Variants in OCA2 observed in about 807,000 individuals in gnomAD.
OCA2 encodes P protein.
In OCA2, 77 loss-of-function variants were observed where a neutral mutation model predicts 100.2. The ratio of observed to expected loss-of-function variants is 0.77; its 90% CI spans 0.64 to 0.93. OCA2 has a LOEUF of 0.93. Among genes scored for constraint, OCA2 ranks in the 40% least tolerant of loss-of-function variants. The pLI is 0.00. For missense variants in OCA2, 1,062 were observed against 1,089.1 expected (o/e 0.98, Z 0.35); for synonymous variants, 432 against 439.2 (o/e 0.98, Z 0.21).
At chr15:28,009,539 G>A (rs1199241666) in intron 9 of OCA2, among the ~76,000 whole-genome samples, 1 of 152,028 alleles carries the variant, frequency 6.6e-6, no homozygotes, top group Non-Finnish European at 1.5e-5. Context: ...AACACAAAAA[G>A]TAGCCAGGCA....
rs1031292388 is a variant in OCA2, at chr15:27,967,238, C to A, written c.1504-416G>T. ...CAGAGCCCAGGAGGGAAGGGGCTCA[C>A]CAGGAGTTCCAGGACCTTAGGCAGA... On this transcript the variant is annotated intron_variant, in intron 14 of 23. Coordinates refer to ENST00000354638, the MANE Select transcript of OCA2 (RefSeq NM_000275.3). Among the ~76,000 whole-genome samples the A allele has an allele frequency of 2.0e-5, 3 of 152,292 alleles. No homozygotes were observed. In the East Asian group the frequency reaches 5.8e-4, roughly 29 times the overall value.
At chr15:28,068,937 T>C (rs1566861649) in intron 2 of OCA2, among the ~76,000 whole-genome samples, 1 of 152,134 alleles carries the variant, frequency 6.6e-6, no homozygotes, top group Non-Finnish European at 1.5e-5. Context: ...TGAAGGAATG[T>C]ACCTCATAAT....
At chr15:27,974,257 A>C (rs1175707665) in intron 14 of OCA2, among the ~76,000 whole-genome samples, 1 of 152,202 alleles carries the variant, frequency 6.6e-6, no homozygotes, top group Non-Finnish European at 1.5e-5. Flanking sequence ...TTTATTTCAT[A>C]ATCTGTTTTC....
chr15:27,953,749 CT>C (rs536601033), intron 17 of OCA2, among the ~76,000 whole-genome samples: 36 of 148,962 alleles, frequency 2.4e-4, no homozygotes, highest in African/African-American at 8.2e-4. Context: ...TTTCTGTTTT[CT>C]TTTTTTTTTC....
rs200918662 is a variant in OCA2, at chr15:27,755,411, G to A, written c.2494C>T (p.His832Tyr). ...TATTAATTCCATCCCACCACCACAT[G>A]AGCCACAAGGAGATAACACATCCCA... ...TVGMCYLLVA[H>Y]VVVGWN The change falls in exon 24 of 24, where the codon CAT becomes TAT. Residue 832 changes from histidine (H) to tyrosine (Y), a missense_variant. By Grantham distance (83) the His-to-Tyr change is moderately conservative (BLOSUM62 2). Transcript: ENST00000354638. The A allele has an allele frequency of 6.2e-7, 1 of 1,613,574 alleles. No homozygotes were observed. The highest frequency in any genetic ancestry group is 1.1e-5 in the South Asian group (1 of 91,068).
chr15:27,940,057 C>T (rs1484170371), intron 18 of OCA2, among the ~76,000 whole-genome samples: 1 of 152,172 alleles, frequency 6.6e-6, no homozygotes, highest in Non-Finnish European at 1.5e-5. Context: ...CATCACACAG[C>T]TTTGCCGTTG....
intron 23 of OCA2, among the ~76,000 whole-genome samples, chr15:27,770,816 CCCTTCCATTCT>C (rs2031705957): frequency 9.6e-6 from 1 of 103,726 alleles, no homozygotes; most frequent in African/African-American, 3.5e-5. Flanking sequence ...CTTCCTTCCT[CCCTTCCATTCT>C]TCCTTCCTCC....
intron 18 of OCA2, among the ~76,000 whole-genome samples, chr15:27,937,889 T>C (rs1419811198): frequency 6.6e-6 from 1 of 152,234 alleles, no homozygotes; most frequent in African/African-American, 2.4e-5. Context: ...AGTAGTACAC[T>C]TTGAGACATA....
chr15:27,749,426 G>T, the OCA2 span, among the ~76,000 whole-genome samples: 14 of 152,212 alleles, frequency 9.2e-5, no homozygotes, highest in Non-Finnish European at 1.9e-4. Flanking sequence ...ACTGAAAGAA[G>T]TTGTTGCAAG....
At chr15:27,970,304 A>AC (rs765496827) in intron 14 of OCA2, among the ~76,000 whole-genome samples, 3 of 145,804 alleles carry the variant, frequency 2.1e-5, no homozygotes, top group Admixed American at 2.0e-4. Context: ...CAAAAAAAAA[A>AC]CCCCATAAAG....
intron 23 of OCA2, among the ~76,000 whole-genome samples, chr15:27,811,190 TA>T (rs34031304): frequency 3.3e-5 from 5 of 150,674 alleles, no homozygotes; most frequent in East Asian, 3.9e-4. Context: ...TACTTAGCCG[TA>T]AAAAAAAAAT....
At chr15:27,737,648 G>A in the OCA2 span, among the ~76,000 whole-genome samples, 2 of 152,208 alleles carry the variant, frequency 1.3e-5, no homozygotes, top group African/African-American at 4.8e-5. Flanking sequence ...ATTTCTACAA[G>A]AGCTAATGGG....
chr15:27,792,238 C>T (rs528225502), intron 23 of OCA2, among the ~76,000 whole-genome samples: 19 of 152,218 alleles, frequency 1.2e-4, no homozygotes, highest in African/African-American at 4.6e-4. Flanking sequence ...CTCTTGCCTG[C>T]CTTTCTTCCT....
chr15:27,749,500 G>T, the OCA2 span, among the ~76,000 whole-genome samples: 1 of 152,008 alleles, frequency 6.6e-6, no homozygotes, highest in Non-Finnish European at 1.5e-5. Context: ...CCAGAATAAG[G>T]CAAAAAATAT....
At chr15:27,935,121 A>G (rs922134801) in intron 18 of OCA2, among the ~76,000 whole-genome samples, 3 of 152,228 alleles carry the variant, frequency 2.0e-5, no homozygotes, top group Non-Finnish European at 4.4e-5. Context: ...ACTGACGGAA[A>G]CATCCCAGTT....
the OCA2 span, among the ~76,000 whole-genome samples, chr15:27,738,532 G>A: frequency 2.6e-5 from 4 of 152,092 alleles, no homozygotes; most frequent in Admixed American, 6.5e-5. Flanking sequence ...TCAGGAGATC[G>A]AGACCATCCT....
chr15:27,750,781 T>C (rs2030040206), downstream of OCA2, among the ~76,000 whole-genome samples: 1 of 152,236 alleles, frequency 6.6e-6, no homozygotes, highest in Non-Finnish European at 1.5e-5. Context: ...GTTACCACAT[T>C]ATGCTTCAGA....
At chr15:28,010,062 A>G (rs1158053686) in intron 9 of OCA2, among the ~76,000 whole-genome samples, 1 of 152,180 alleles carries the variant, frequency 6.6e-6, no homozygotes, top group African/African-American at 2.4e-5. Context: ...AAATAAATCA[A>G]TGTAATCCAC....
intron 2 of OCA2, among the ~76,000 whole-genome samples, chr15:28,039,678 G>C (rs2043145533): frequency 6.6e-6 from 1 of 152,168 alleles, no homozygotes; most frequent in South Asian, 2.1e-4. Context: ...TTCAGGAAAT[G>C]ATTAAGTTAA....
Sources: gnomAD v4.1 joint callset for allele counts (sites outside exome capture counted in the v4.1 genomes callset) on GRCh38, gnomAD v4.1.1 for gene constraint, MANE v1.5 for transcripts, NCBI Gene and HGNC (gene_info 2026-07-23, HGNC 2026-07-21) for gene names.